Variants in CWF19L2 observed in about 807,000 individuals in gnomAD.
CWF19L2 encodes CWF19-like protein 2.
A neutral mutation model predicts 111.7 loss-of-function variants in CWF19L2; 98 were observed. The observed-to-expected ratio is 0.88, with a 90% CI of 0.75 to 1.04. The LOEUF (loss-of-function observed/expected upper bound fraction) is 1.04. Ranked by LOEUF, CWF19L2 falls within the 50% of genes least tolerant of loss-of-function variation. The probability of loss-of-function intolerance (pLI) is 0.00; values close to 1 mark genes in which losing one functional copy is unlikely to be tolerated. For missense variants in CWF19L2, 1,101 were observed against 1,051.4 expected (o/e 1.05, Z -0.65); for synonymous variants, 351 against 342.9 (o/e 1.02, Z -0.26).
intron 12 of CWF19L2, among the ~76,000 whole-genome samples, chr11:107,384,034 C>G (rs1160376817): frequency 6.6e-6 from 1 of 152,210 alleles, no homozygotes; most frequent in Non-Finnish European, 1.5e-5. Context: ...AGTCAAGGAT[C>G]ATTTCTTCTT....
At chr11:107,419,541 A>G (rs899981430) in intron 8 of CWF19L2, among the ~76,000 whole-genome samples, 1 of 152,202 alleles carries the variant, frequency 6.6e-6, no homozygotes, top group Non-Finnish European at 1.5e-5. Flanking sequence ...TGTAAAAAAC[A>G]GCAGACAAGG....
chr11:107,401,449 A>C (rs1022133692), intron 10 of CWF19L2, among the ~76,000 whole-genome samples: 3 of 152,136 alleles, frequency 2.0e-5, no homozygotes, highest in Admixed American at 6.5e-5. Context: ...TCAAATCAAG[A>C]ACTCAACCCC....
intron 12 of CWF19L2, among the ~76,000 whole-genome samples, chr11:107,354,213 T>G (rs1860202380): frequency 1.3e-5 from 2 of 152,128 alleles, no homozygotes; most frequent in Non-Finnish European, 2.9e-5. Flanking sequence ...TATTTTCTTA[T>G]TTTATGTACC....
chr11:107,341,517 T>A (rs1328219230), intron 14 of CWF19L2, among the ~76,000 whole-genome samples: 1 of 152,182 alleles, frequency 6.6e-6, no homozygotes, highest in African/African-American at 2.4e-5. Flanking sequence ...TTTTTACATC[T>A]CTATTCACAT....
At chr11:107,379,413 A>G (rs1207404964) in intron 12 of CWF19L2, among the ~76,000 whole-genome samples, 1 of 152,266 alleles carries the variant, frequency 6.6e-6, no homozygotes, top group Non-Finnish European at 1.5e-5. Context: ...CAGTCCTTCT[A>G]CAACAAAGAC....
chr11:107,418,347 T>TCAAGACTCAAATGTTA, intron 8 of CWF19L2, 60 bp from the exon 9 acceptor site: 1 of 1,048,762 alleles, frequency 9.5e-7, no homozygotes, highest in African/African-American at 1.6e-5. Flanking sequence ...AGCAATAACA[T>TCAAGACTCAAATGTTA]CAAGACTCAA....
At chr11:107,344,431 T>C (rs1366504646) in intron 14 of CWF19L2, among the ~76,000 whole-genome samples, 2 of 152,236 alleles carry the variant, frequency 1.3e-5, no homozygotes, top group Non-Finnish European at 2.9e-5. Context: ...TTTCTCTTTG[T>C]TTTCCATTAC....
intron 10 of CWF19L2, among the ~76,000 whole-genome samples, chr11:107,407,328 A>G (rs1307983457): frequency 6.6e-6 from 1 of 151,980 alleles, no homozygotes. Context: ...TTTTCCACTT[A>G]AAATGTTTTC....
chr11:107,428,966 A>G lies in CWF19L2; in HGVS notation c.1266T>C (p.Ser422=). 2.5e-6 allele frequency: 4 copies of G among 1,613,288 alleles called. No homozygotes were observed. Among genetic ancestry groups the G allele is most frequent in the Non-Finnish European group, 3.4e-6 (4 of 1,179,640 alleles). ...SEERLTSWSR[S]DGRGDKKHSN... Reference sequence around the variant, plus strand: ...AATGTTTCTTGTCTCCTCTCCCATCAGAGCGACTCCATGATGTTAATCTTT... The same window carrying G: ...AATGTTTCTTGTCTCCTCTCCCATCGGAGCGACTCCATGATGTTAATCTTT... Residue 422 remains serine, a synonymous_variant, in exon 8 of 18, where the codon TCT becomes TCC. Transcript: ENST00000282251.
At chr11:107,457,407 G>A (rs959941255) in intron 1 of CWF19L2, among the ~76,000 whole-genome samples, 1 of 152,158 alleles carries the variant, frequency 6.6e-6, no homozygotes, top group Non-Finnish European at 1.5e-5. Context: ...ACAAGCCGCA[G>A]GGGACCTACA....
At chr11:107,442,285 A>G (rs1349982838) in intron 4 of CWF19L2, among the ~76,000 whole-genome samples, 4 of 152,188 alleles carry the variant, frequency 2.6e-5, no homozygotes, top group African/African-American at 9.7e-5. Flanking sequence ...AATTATTCCT[A>G]AAGTATATTG....
At chr11:107,384,690 A>G (rs950854785) in intron 12 of CWF19L2, among the ~76,000 whole-genome samples, 2 of 152,236 alleles carry the variant, frequency 1.3e-5, no homozygotes, top group African/African-American at 4.8e-5. Context: ...ATTCATTTAC[A>G]TACTGTGTAT....
intron 6 of CWF19L2, 41 bp downstream of exon 6, chr11:107,439,049 A>AAAC (rs1565285316): frequency 3.1e-6 from 3 of 953,844 alleles, no homozygotes; most frequent in Non-Finnish European, 4.7e-6. Context: ...AAAAAAAAAA[A>AAAC]AAAAAAACCC....
rs570688290 is a variant in CWF19L2 at position 107,344,755 on chromosome 11, T to C, written c.2202+4182A>G. Among the ~76,000 whole-genome samples the C allele has an allele frequency of 3.0e-4, 45 of 152,354 alleles. 1 individual carries two copies. The Middle Eastern group carries it at 0.014, about 46-fold the overall frequency. ...TTTTCAACCTAGTTGAGATTGTCTTTATAAGTTATTTTCAATTGAAATCTG... is the reference window on the plus strand; with the variant it reads ...TTTTCAACCTAGTTGAGATTGTCTTCATAAGTTATTTTCAATTGAAATCTG... On this transcript the variant is annotated intron_variant, in intron 14 of 17. Transcript: ENST00000282251.
At position 107,389,927 on chromosome 11, in the gene CWF19L2, G is replaced by A. The variant is rs529252349; in HGVS notation, c.1872+147C>T. ...TTCTCAACCAGATCAATTCCAAAATGCATGTTTCTAATAAGTCTTACAAAG... is the reference window on the plus strand; with the variant it reads ...TTCTCAACCAGATCAATTCCAAAATACATGTTTCTAATAAGTCTTACAAAG... On this transcript the variant is annotated intron_variant, in intron 12 of 17. Coordinates refer to ENST00000282251, the MANE Select transcript of CWF19L2 (RefSeq NM_152434.3). 8.8e-4 allele frequency: 567 copies of A among 643,474 alleles called. 10 individuals are homozygous for A. The South Asian group carries it at 0.012, about 14-fold the overall frequency. The allele number at this position is 643,474 out of a possible 1,614,324, so 39.9% of individuals were successfully genotyped here. A position where few individuals can be genotyped will look rare whatever the true frequency, so the allele number is the denominator to read the frequency against.
intron 6 of CWF19L2, 55 bp downstream of exon 6, chr11:107,439,035 G>GGAAAAAAA: frequency 3.5e-6 from 1 of 288,602 alleles, no homozygotes; most frequent in African/African-American, 5.6e-5. Flanking sequence ...ACTCTGTCTC[G>GGAAAAAAA]AAAAAAAAAA....
chr11:107,343,214 G>A (rs777009822), intron 14 of CWF19L2, among the ~76,000 whole-genome samples: 1 of 152,126 alleles, frequency 6.6e-6, no homozygotes, highest in South Asian at 2.1e-4. Context: ...ATGAGGTGCT[G>A]AAGTCTCTAA....
rs112384605 is a variant in CWF19L2, at chr11:107,362,163, G to A, written c.1873-8427C>T. 3.5e-4 allele frequency among the ~76,000 whole-genome samples: 53 copies of A among 151,800 alleles called. 1 individual carries two copies. In the South Asian group the frequency reaches 4.0e-3, roughly 11 times the overall value. ...CGAGATTATATCCCGCACCTGGCTC[G>A]GAGGGTCCTACGCCCACGGAGTCTC... On this transcript the variant is annotated intron_variant, in intron 12 of 17. Coordinates refer to ENST00000282251, the MANE Select transcript of CWF19L2 (RefSeq NM_152434.3).
intron 10 of CWF19L2, among the ~76,000 whole-genome samples, chr11:107,412,898 T>C (rs1475901375): frequency 6.6e-6 from 1 of 152,196 alleles, no homozygotes; most frequent in Non-Finnish European, 1.5e-5. Flanking sequence ...TACTGTATGA[T>C]TTCAATTACA....
Sources: gnomAD v4.1 joint callset for allele counts (sites outside exome capture counted in the v4.1 genomes callset) on GRCh38, gnomAD v4.1.1 for gene constraint, MANE v1.5 for transcripts, NCBI Gene and HGNC (gene_info 2026-07-23, HGNC 2026-07-21) for gene names.